Variants in UBL3 observed in about 807,000 individuals in gnomAD.
UBL3 encodes ubiquitin-like protein 3.
Under a neutral mutation model 18.4 loss-of-function variants are expected in UBL3, and 6 were observed. The observed-to-expected ratio is 0.33, with a 90% CI of 0.18 to 0.64. UBL3 has a LOEUF of 0.64. UBL3 is among the 30% of genes least tolerant of loss of function. The pLI is 0.76. For missense variants in UBL3, 109 were observed against 142.9 expected, an observed-to-expected ratio of 0.76 and a Z score of 1.21; for synonymous variants, 49 against 46.6, an observed-to-expected ratio of 1.05 and a Z score of -0.21.
intron 1 of UBL3, chr13:29,777,633 G>T: frequency 4.5e-6 from 1 of 220,460 alleles, no homozygotes; most frequent in Non-Finnish European, 9.4e-6. Flanking sequence ...TGTTGACACT[G>T]CAGGTCTCGT....
chr13:29,824,096 C>T (rs1304096798), intron 1 of UBL3, among the ~76,000 whole-genome samples: 3 of 152,184 alleles, frequency 2.0e-5, no homozygotes, highest in Admixed American at 2.0e-4. Context: ...CTTTCTTAAT[C>T]CAGACTATCA....
intron 1 of UBL3, among the ~76,000 whole-genome samples, chr13:29,794,792 A>G (rs1877567657): frequency 6.6e-6 from 1 of 152,234 alleles, no homozygotes; most frequent in Non-Finnish European, 1.5e-5. Context: ...GGCACTTATC[A>G]TATCAATGCT....
At chr13:29,790,524 C>T (rs1044837022) in intron 1 of UBL3, among the ~76,000 whole-genome samples, 1 of 152,142 alleles carries the variant, frequency 6.6e-6, no homozygotes, top group Non-Finnish European at 1.5e-5. Context: ...TCATTAGGTT[C>T]CTATAATTCC....
intron 2 of UBL3, among the ~76,000 whole-genome samples, chr13:29,775,761 G>A (rs1184659828): frequency 6.6e-6 from 1 of 151,878 alleles, no homozygotes; most frequent in African/African-American, 2.4e-5. Context: ...GATTACAGGG[G>A]TGCACCACCA....
chr13:29,772,230 A>G, intron 2 of UBL3, 32 bp from the exon 3 acceptor site: 3 of 1,549,252 alleles, frequency 1.9e-6, no homozygotes, highest in Non-Finnish European at 2.7e-6. Context: ...GGTTAGGTAT[A>G]TTCCAACATA....
intron 2 of UBL3, among the ~76,000 whole-genome samples, chr13:29,773,417 A>C (rs1344771020): frequency 1.3e-5 from 2 of 152,290 alleles, no homozygotes; most frequent in East Asian, 3.9e-4. Context: ...AGATCAAATA[A>C]GTCTCTAACA....
intron 1 of UBL3, among the ~76,000 whole-genome samples, chr13:29,784,421 C>T (rs1465833051): frequency 6.6e-6 from 1 of 151,558 alleles, no homozygotes; most frequent in African/African-American, 2.4e-5. Flanking sequence ...GATACTCTTA[C>T]TTCACATGCC....
In UBL3 at chr13:29,764,415, G is replaced by C. The variant is rs570407677; in HGVS notation, c.*2840C>G. The C allele has an allele frequency of 3.3e-5, 5 of 152,278 alleles. No homozygotes were observed. In the South Asian group the frequency reaches 1.0e-3, roughly 32 times the overall value. The allele number at this position is 152,278 out of a possible 1,614,324, so 9.4% of individuals were successfully genotyped here. A position where few individuals can be genotyped will look rare whatever the true frequency, so the allele number is the denominator to read the frequency against. On this transcript the variant is annotated 3_prime_UTR_variant, in exon 5 of 5. Transcript: ENST00000380680. ...TAAAGAAGAGAAATATTCTACAACAGATGAAGAAAGTTTTAATTTCTTTTC... is the reference window on the plus strand; with the variant it reads ...TAAAGAAGAGAAATATTCTACAACACATGAAGAAAGTTTTAATTTCTTTTC...
intron 1 of UBL3, among the ~76,000 whole-genome samples, chr13:29,847,083 T>G (rs994798968): frequency 6.6e-6 from 1 of 152,226 alleles, no homozygotes; most frequent in Non-Finnish European, 1.5e-5. Flanking sequence ...AATCGACAAC[T>G]TCTAACCAGT....
intron 1 of UBL3, among the ~76,000 whole-genome samples, chr13:29,816,845 C>G (rs1408386707): frequency 6.8e-6 from 1 of 147,708 alleles, no homozygotes; most frequent in African/African-American, 2.5e-5. Flanking sequence ...TTACAAGAAT[C>G]TGTGTAATAT....
intron 1 of UBL3, 107 bp from the exon 2 acceptor site, chr13:29,777,370 C>T (rs931241973): frequency 2.4e-6 from 2 of 830,978 alleles, no homozygotes; most frequent in African/African-American, 1.7e-5. Flanking sequence ...ATTACCAATG[C>T]CATATTGTGG....
At chr13:29,769,865 C>A (rs1876793546) in intron 3 of UBL3, among the ~76,000 whole-genome samples, 1 of 152,082 alleles carries the variant, frequency 6.6e-6, no homozygotes, top group South Asian at 2.1e-4. Context: ...AGAGAATGCC[C>A]AGGCTTCCTA....
chr13:29,814,899 C>G (rs751860083), intron 1 of UBL3, among the ~76,000 whole-genome samples: 1 of 152,114 alleles, frequency 6.6e-6, no homozygotes, highest in Non-Finnish European at 1.5e-5. Flanking sequence ...AACTACCAAA[C>G]CTTCAGAAAT....
Position 29,849,847 on chromosome 13 carries a change from A to C in UBL3, c.-309T>G. ...AGGACCGGCCGCGCCAGGTGGACCG[A>C]GCCGAGTGACACACGGACATGGAGA... is the stretch of plus-strand genomic sequence containing the variant. On this transcript the variant is annotated 5_prime_UTR_variant, in exon 1 of 5. Coordinates refer to ENST00000380680, the MANE Select transcript of UBL3 (RefSeq NM_007106.4). The C allele has an allele frequency of 1.9e-6, 1 of 526,652 alleles. No homozygotes were observed. Among genetic ancestry groups the C allele is most frequent in the Non-Finnish European group, 3.4e-6 (1 of 292,706 alleles). The allele number at this position is 526,652 out of a possible 1,614,324, so 32.6% of individuals were successfully genotyped here.
At position 29,797,527 on chromosome 13, in the gene UBL3, A is replaced by AT. The variant is rs953672146; in HGVS notation, c.28-20265dup. ...ATTCTGCACTGACATTCCCCAATAC[A>AT]TTTTTTTTGCCATTACATTTTTACC... On this transcript the variant is annotated intron_variant, in intron 1 of 4. Transcript: ENST00000380680. Among the ~76,000 whole-genome samples, 39 of 151,844 alleles carry AT rather than the reference A, an allele frequency of 2.6e-4. No individual in the cohort carries two copies. In the East Asian group the frequency reaches 4.5e-3, roughly 17 times the overall value.
At chr13:29,825,020 T>C (rs1056648030) in intron 1 of UBL3, among the ~76,000 whole-genome samples, 1 of 152,218 alleles carries the variant, frequency 6.6e-6, no homozygotes, top group Non-Finnish European at 1.5e-5. Context: ...TGGTTGTAGA[T>C]GTGTGGTATT....
At chr13:29,842,333 T>A (rs1022708332) in intron 1 of UBL3, among the ~76,000 whole-genome samples, 1 of 152,002 alleles carries the variant, frequency 6.6e-6, no homozygotes, top group Admixed American at 6.5e-5. Context: ...AATTTTTGTA[T>A]TTTTAGTAGA....
At chr13:29,796,771 T>G (rs572474617) in intron 1 of UBL3, among the ~76,000 whole-genome samples, 1 of 152,254 alleles carries the variant, frequency 6.6e-6, no homozygotes, top group African/African-American at 2.4e-5. Flanking sequence ...TAAAATGATT[T>G]CATCTTGGAT....
intron 1 of UBL3, among the ~76,000 whole-genome samples, chr13:29,794,985 C>T (rs1295339473): frequency 1.3e-5 from 2 of 152,204 alleles, no homozygotes; most frequent in Non-Finnish European, 2.9e-5. Flanking sequence ...AAGAGACTTA[C>T]AATTATTACA....
Sources: allele counts gnomAD v4.1 joint callset (sites outside exome capture counted in the v4.1 genomes callset), GRCh38; gene constraint gnomAD v4.1.1; transcripts MANE v1.5; gene names NCBI Gene and HGNC (gene_info 2026-07-23, HGNC 2026-07-21).